The following WRNIP1 variants were observed in gnomAD, a reference collection of about 807,000 sequenced individuals.
WRNIP1 encodes the protein WRN helicase interacting protein 1.
A neutral mutation model predicts 56.1 loss-of-function variants in WRNIP1; 41 were observed. The observed-to-expected ratio is 0.73, with a 90% CI of 0.57 to 0.95. The LOEUF (loss-of-function observed/expected upper bound fraction) is 0.95. Among genes scored for constraint, WRNIP1 ranks in the 40% least tolerant of loss-of-function variants. WRNIP1 has a pLI of 0.00. For synonymous variants in WRNIP1, 547 were observed against 398.1 expected (o/e 1.37, Z -4.45); for missense variants, 1,170 against 939.4 (o/e 1.25, Z -3.21).
At position 2,785,067 on chromosome 6, in the gene WRNIP1, A is replaced by G. The variant is rs2113489020; in HGVS notation, c.1783A>G (p.Ser595Gly). The G allele has an allele frequency of 1.2e-6, 2 of 1,614,214 alleles. No individual in the cohort carries two copies. Among genetic ancestry groups the G allele is most frequent in the Non-Finnish European group, 1.7e-6 (2 of 1,180,046 alleles). Reference sequence around the variant, plus strand: ...AGCCCCAAAGTCCATTGAGGTGTACAGCGCCTACAACAACGTCAAAGCCTG... The same window carrying G: ...AGCCCCAAAGTCCATTGAGGTGTACGGCGCCTACAACAACGTCAAAGCCTG... ...ARAPKSIEVY[S>G]AYNNVKACLR... Residue 595 changes from serine to glycine, a missense_variant, in exon 7 of 7, where the codon AGC (serine) becomes GGC (glycine). Ser to Gly is a moderately conservative substitution (Grantham distance 56, BLOSUM62 0). Coordinates refer to ENST00000380773, the MANE Select transcript of WRNIP1 (RefSeq NM_020135.3).
Position 2,773,657 on chromosome 6 carries a change from T to G in WRNIP1, c.1256+3296T>G, listed in dbSNP as rs144403766. On this transcript the variant is annotated intron_variant, in intron 3 of 6. Transcript: ENST00000380773. ...ATTCATGATACGAAGAATGAGCTTG[T>G]GCTGCTGAAAATGAAAAAGTAAGCT... is the stretch of plus-strand genomic sequence containing the variant. 1,165 of 985,358 alleles carry G rather than the reference T, an allele frequency of 1.2e-3. 8 individuals are homozygous for G. In the African/African-American group the frequency reaches 0.018, roughly 15 times the overall value. 61.0% of individuals were successfully genotyped at this position (985,358 alleles called of 1,614,324 possible).
rs144982412 is a variant in WRNIP1, at chr6:2,780,761, G to A, written c.1486+1269G>A. ...TGCCGGGATCGCCATTGTTTCTGAA[G>A]TGCAGCAGCAGCGGTCTCTCTCTCT... On this transcript the variant is annotated intron_variant, in intron 4 of 6. Transcript: ENST00000380773. Among the ~76,000 whole-genome samples the A allele has an allele frequency of 5.8e-4, 89 of 152,268 alleles. No homozygotes were observed. In the Middle Eastern group the frequency reaches 0.017, roughly 29 times the overall value.
intron 3 of WRNIP1, among the ~76,000 whole-genome samples, chr6:2,778,153 AGCTGGGTCCCCTTCGGAAACT>A (rs1765475016): frequency 6.6e-6 from 1 of 152,142 alleles, no homozygotes; most frequent in Non-Finnish European, 1.5e-5. Flanking sequence ...CCAGCAGGCA[AGCTGGGTCCCCTTCGGAAACT>A]GCCACCCCTC....
rs992288333 is a variant in WRNIP1 at position 2,765,964 on chromosome 6, G to C, written c.342G>C (p.Pro114=). 7.0e-7 allele frequency: 1 copy of C among 1,419,272 alleles called. No homozygotes were observed. The highest frequency in any genetic ancestry group is 1.4e-5 in the South Asian group (1 of 70,088). The allele number at this position is 1,419,272 out of a possible 1,614,324, so 87.9% of individuals were successfully genotyped here. A position where few individuals can be genotyped will look rare whatever the true frequency, so the allele number is the denominator to read the frequency against. The part of the protein sequence containing the change: ...ETESRESYDA[P]PTPSGARLIP... ...AGAGCCGCGAGAGCTACGACGCGCCGCCCACACCCAGCGGCGCCCGCCTTA... is the reference window on the plus strand; with the variant it reads ...AGAGCCGCGAGAGCTACGACGCGCCCCCCACACCCAGCGGCGCCCGCCTTA... The change falls in exon 1 of 7, where the codon CCG becomes CCC. Residue 114 remains proline (P), a synonymous_variant. Transcript: ENST00000380773.
intron 4 of WRNIP1, among the ~76,000 whole-genome samples, chr6:2,780,558 C>T (rs1321823159): frequency 2.0e-5 from 3 of 152,156 alleles, no homozygotes; most frequent in South Asian, 4.1e-4. Context: ...TGTGCCTCAG[C>T]GGGGCCTGCT....
At position 2,780,041 on chromosome 6, in the gene WRNIP1, A is replaced by G. The variant is rs1370485922; in HGVS notation, c.1486+549A>G. ...TATCTGTTTTTGTAGAACTGCATTTACAGATAGCAGATTTGATACCAGCTC... is the reference window on the plus strand; with the variant it reads ...TATCTGTTTTTGTAGAACTGCATTTGCAGATAGCAGATTTGATACCAGCTC... On this transcript the variant is annotated intron_variant, in intron 4 of 6. Transcript: ENST00000380773. Among the ~76,000 whole-genome samples the G allele has an allele frequency of 2.0e-5, 3 of 152,222 alleles. No homozygotes were observed. The East Asian group carries it at 5.8e-4, about 29-fold the overall frequency.
intron 3 of WRNIP1, chr6:2,774,332 A>G: frequency 1.0e-6 from 1 of 960,638 alleles, no homozygotes; most frequent in Non-Finnish European, 1.2e-6. Context: ...ACAGAGCTTT[A>G]TCCTCACAGT....
At chr6:2,769,923 ATG>A (rs1765202677) in intron 2 of WRNIP1, among the ~76,000 whole-genome samples, 195 bp from the exon 3 acceptor site, 1 of 152,154 alleles carries the variant, frequency 6.6e-6, no homozygotes, top group South Asian at 2.1e-4. Flanking sequence ...ATTCCAGAAG[ATG>A]TGTTTCAGAC....
chr6:2,773,085 G>A (rs992264757), intron 3 of WRNIP1: 10 of 985,294 alleles, frequency 1.0e-5, no homozygotes, highest in Middle Eastern at 5.2e-4. Flanking sequence ...TCAAGCTGCC[G>A]CTTAGCCGTT....
At chr6:2,767,385 G>A (rs1203833101) in intron 1 of WRNIP1, among the ~76,000 whole-genome samples, 2 of 152,218 alleles carry the variant, frequency 1.3e-5, no homozygotes, top group Admixed American at 6.5e-5. Flanking sequence ...TTGAGATTCA[G>A]ACTCGTTTGC....
chr6:2,768,628 A>G (rs1413138110), intron 1 of WRNIP1, 63 bp from the exon 2 acceptor site: 8 of 1,413,764 alleles, frequency 5.7e-6, no homozygotes, highest in Non-Finnish European at 7.6e-6. Context: ...GGTGGTTCCC[A>G]TGGGTGCTGG....
At chr6:2,772,246 A>G (rs1227839441) in intron 3 of WRNIP1, among the ~76,000 whole-genome samples, 1 of 152,288 alleles carries the variant, frequency 6.6e-6, no homozygotes, top group Non-Finnish European at 1.5e-5. Context: ...TGAAACTGAT[A>G]TAACAATGAG....
chr6:2,765,545 A>G lies in WRNIP1; in HGVS notation c.-78A>G. The G allele has an allele frequency of 6.7e-6, 9 of 1,351,798 alleles. No individual in the cohort carries two copies. The highest frequency in any genetic ancestry group is 8.5e-6 in the Non-Finnish European group (9 of 1,058,680). 83.7% of individuals were successfully genotyped at this position (1,351,798 alleles called of 1,614,324 possible). On this transcript the variant is annotated 5_prime_UTR_variant, in exon 1 of 7. An upstream open reading frame in the 5' UTR loses its in-frame stop. Transcript: ENST00000380773. ...GCGAGGGTCTCGCGGCGCGGGGCCT[A>G]GCGGAGGGCATCGAAGGCCTCCGCG...
chr6:2,765,895 CAGCGAG>C lies in WRNIP1; in HGVS notation c.274_279del (p.Ser92_Glu93del), dbSNP rs1204537498. On this transcript the variant is annotated inframe_deletion, in exon 1 of 7. Coordinates refer to ENST00000380773, the MANE Select transcript of WRNIP1 (RefSeq NM_020135.3). The stretch of plus-strand genomic sequence containing the variant: ...CAGCCACCCCGACGGCAGCCGAGAG[CAGCGAG>C]GGCGAGGGTGAGGAGGGCGACGACG... The C allele has an allele frequency of 9.6e-6, 14 of 1,455,302 alleles. No individual in the cohort carries two copies. Among genetic ancestry groups the C allele is most frequent in the African/African-American group, 1.5e-5 (1 of 68,046 alleles). The allele number at this position is 1,455,302 out of a possible 1,614,324, so 90.1% of individuals were successfully genotyped here. A position where few individuals can be genotyped will look rare whatever the true frequency, so the allele number is the denominator to read the frequency against.
At position 2,779,431 on chromosome 6, in the gene WRNIP1, G is replaced by C; in HGVS notation, c.1425G>C (p.Leu475=). ...SGQSYSPSRV[L]ITENDVKEGL... Reference sequence around the variant, plus strand: ...AATCCTATTCTCCCAGTAGAGTTCTGATCACAGAGAATGACGTGAAGGAGG... The same window carrying C: ...AATCCTATTCTCCCAGTAGAGTTCTCATCACAGAGAATGACGTGAAGGAGG... Residue 475 remains leucine (L), a synonymous_variant, in exon 4 of 7, where the codon CTG becomes CTC. Coordinates refer to ENST00000380773, the MANE Select transcript of WRNIP1 (RefSeq NM_020135.3). 1 of 1,614,180 alleles carries C rather than the reference G, an allele frequency of 6.2e-7. No individual in the cohort carries two copies.
chr6:2,785,203 T>A lies in WRNIP1; in HGVS notation c.1919T>A (p.Met640Lys), dbSNP rs1765681323. 6.2e-7 allele frequency: 1 copy of A among 1,614,048 alleles called. No individual in the cohort carries two copies. Among genetic ancestry groups the A allele is most frequent in the African/African-American group, 1.3e-5 (1 of 74,908 alleles). The change falls in exon 7 of 7, where the codon ATG (methionine) becomes AAG (lysine). Residue 640 changes from methionine to lysine, a missense_variant. Met to Lys is a moderately conservative substitution (Grantham distance 95). Coordinates refer to ENST00000380773, the MANE Select transcript of WRNIP1 (RefSeq NM_020135.3). ...GYGKGYKYNPMYSEPVDQEYL... is the reference protein window; with the variant it reads ...GYGKGYKYNPKYSEPVDQEYL... ...GGCAAAGGCTACAAGTACAACCCCA[T>A]GTACAGCGAGCCTGTGGATCAGGAG... is the stretch of plus-strand genomic sequence containing the variant.
rs1388566272 is a variant in WRNIP1, at chr6:2,779,347, G to A, written c.1341G>A (p.Leu447=). 3 of 1,614,104 alleles carry A rather than the reference G, an allele frequency of 1.9e-6. No homozygotes were observed. The highest frequency in any genetic ancestry group is 1.7e-6 in the Non-Finnish European group (2 of 1,180,042). The change falls in exon 4 of 7, where the codon CTG becomes CTA. Residue 447 remains leucine (L), a synonymous_variant. Transcript: ENST00000380773. ...DGDARAGLNG[L]QLAVLARLSS... Reference sequence around the variant, plus strand: ...ACGCCCGAGCTGGGTTGAACGGACTGCAGCTGGCGGTGCTGGCTAGGTTAA... The same window carrying A: ...ACGCCCGAGCTGGGTTGAACGGACTACAGCTGGCGGTGCTGGCTAGGTTAA...
intron 1 of WRNIP1, 98 bp downstream of exon 1, chr6:2,766,542 C>T: frequency 9.2e-6 from 13 of 1,412,158 alleles, no homozygotes; most frequent in South Asian, 6.1e-5. Flanking sequence ...AAAGAAGCCG[C>T]CTGCCTCTCC....
chr6:2,768,658 C>G, intron 1 of WRNIP1, 33 bp from the exon 2 acceptor site: 2 of 1,555,044 alleles, frequency 1.3e-6, no homozygotes, highest in South Asian at 1.2e-5. Flanking sequence ...GTCTTACCAG[C>G]TTTTCAAACT....
Sources: gnomAD v4.1 joint callset for allele counts (sites outside exome capture counted in the v4.1 genomes callset) on GRCh38, gnomAD v4.1.1 for gene constraint, MANE v1.5 for transcripts, NCBI Gene and HGNC (gene_info 2026-07-23, HGNC 2026-07-21) for gene names.